Variants in MSH3 observed in about 807,000 individuals in gnomAD.
The protein encoded by MSH3 is mutS homolog 3, also known as DNA mismatch repair protein Msh3.
Under a neutral mutation model 123.3 loss-of-function variants are expected in MSH3, and 106 were observed. The observed-to-expected ratio is 0.86, with a 90% CI of 0.73 to 1.01. The LOEUF is 1.01. MSH3 is among the 50% of genes least tolerant of loss of function. The pLI is 0.00. For missense variants in MSH3, 1,459 were observed against 1,347.6 expected (o/e 1.08, Z -1.29); for synonymous variants, 515 against 481.4 (o/e 1.07, Z -0.91).
At chr5:80,692,132 A>G (rs1225960584) in intron 8 of MSH3, among the ~76,000 whole-genome samples, 1 of 147,760 alleles carries the variant, frequency 6.8e-6, no homozygotes, top group Admixed American at 6.7e-5. Flanking sequence ...ATAGATAGAT[A>G]AACATGTATA....
At chr5:80,817,911 A>C (rs1411849641) in intron 20 of MSH3, among the ~76,000 whole-genome samples, 1 of 152,184 alleles carries the variant, frequency 6.6e-6, no homozygotes, top group African/African-American at 2.4e-5. Context: ...TTCTGGCCAA[A>C]AAAAATCAAA....
intron 2 of MSH3, among the ~76,000 whole-genome samples, chr5:80,661,663 T>C (rs897808732): frequency 1.3e-5 from 2 of 152,250 alleles, no homozygotes; most frequent in Non-Finnish European, 2.9e-5. Flanking sequence ...AATTGCATCA[T>C]ATCTGTCATT....
chr5:80,669,271 C>G (rs887564471), intron 3 of MSH3, among the ~76,000 whole-genome samples: 1 of 152,050 alleles, frequency 6.6e-6, no homozygotes. Flanking sequence ...CTCTCACTCT[C>G]CCCTCTTCTT....
At chr5:80,747,957 G>A (rs1032021822) in intron 12 of MSH3, among the ~76,000 whole-genome samples, 17 of 152,136 alleles carry the variant, frequency 1.1e-4, no homozygotes, top group East Asian at 1.9e-4. Flanking sequence ...ATTAAGTGAG[G>A]CATGATGGTG....
At chr5:80,688,239 C>T (rs1465033426) in intron 8 of MSH3, among the ~76,000 whole-genome samples, 1 of 152,166 alleles carries the variant, frequency 6.6e-6, no homozygotes. Context: ...AGTGCTTCCT[C>T]AAAGATAGAT....
intron 20 of MSH3, among the ~76,000 whole-genome samples, chr5:80,826,842 C>G (rs1348354249): frequency 4.0e-5 from 3 of 74,184 alleles, no homozygotes; most frequent in South Asian, 6.0e-4. Flanking sequence ...AGCCACCGCG[C>G]CCGGCCTCCA....
At chr5:80,839,751 A>C (rs1293454922) in intron 20 of MSH3, among the ~76,000 whole-genome samples, 1 of 152,204 alleles carries the variant, frequency 6.6e-6, no homozygotes, top group African/African-American at 2.4e-5. Context: ...TTAATATAAA[A>C]AGTGACACAA....
intron 17 of MSH3, 65 bp downstream of exon 17, chr5:80,778,901 T>C (rs1399914650): frequency 2.2e-5 from 21 of 949,452 alleles, no homozygotes; most frequent in South Asian, 9.1e-5. Flanking sequence ...GAAAAATCTT[T>C]CCATCAAAAA....
intron 8 of MSH3, among the ~76,000 whole-genome samples, chr5:80,689,578 T>G (rs922848617): frequency 3.3e-5 from 5 of 152,088 alleles, no homozygotes; most frequent in Non-Finnish European, 7.4e-5. Context: ...CCAAGCAAAA[T>G]TTGAGATTAA....
At chr5:80,814,880 C>G (rs1745074696) in intron 20 of MSH3, among the ~76,000 whole-genome samples, 1 of 152,206 alleles carries the variant, frequency 6.6e-6, no homozygotes, top group Admixed American at 6.5e-5. Context: ...GTGAAATATC[C>G]TGGCTTCACT....
chr5:80,783,269 G>C (rs920535078), intron 17 of MSH3, among the ~76,000 whole-genome samples: 1 of 152,062 alleles, frequency 6.6e-6, no homozygotes, highest in Non-Finnish European at 1.5e-5. Context: ...AAGTTGGTTG[G>C]TAGCATAGTG....
At chr5:80,691,360 T>C (rs899348383) in intron 8 of MSH3, among the ~76,000 whole-genome samples, 2 of 151,790 alleles carry the variant, frequency 1.3e-5, no homozygotes, top group Non-Finnish European at 2.9e-5. Context: ...CACAATAATA[T>C]TATCTAAGAC....
intron 8 of MSH3, among the ~76,000 whole-genome samples, chr5:80,708,365 T>A (rs370128357): frequency 1.2e-4 from 19 of 152,304 alleles, no homozygotes; most frequent in African/African-American, 4.6e-4. Flanking sequence ...GTTTACCAGT[T>A]GTTTCCACAC....
chr5:80,867,276 A>G (rs1414822507), intron 22 of MSH3, among the ~76,000 whole-genome samples: 1 of 152,186 alleles, frequency 6.6e-6, no homozygotes, highest in Non-Finnish European at 1.5e-5. Flanking sequence ...CTGCCTGGCC[A>G]GCTTTATTAT....
At chr5:80,681,704 ACATT>A (rs908467219) in intron 8 of MSH3, among the ~76,000 whole-genome samples, 36 of 151,996 alleles carry the variant, frequency 2.4e-4, no homozygotes, top group African/African-American at 8.4e-4. Context: ...TTTTATCAAC[ACATT>A]CATTTTTTTG....
At chr5:80,694,560 C>A (rs1750426768) in intron 8 of MSH3, among the ~76,000 whole-genome samples, 1 of 152,074 alleles carries the variant, frequency 6.6e-6, no homozygotes, top group African/African-American at 2.4e-5. Flanking sequence ...CTATTGCTTA[C>A]CTTGCTGTTT....
chr5:80,676,284 G>C (rs755269349), intron 7 of MSH3, among the ~76,000 whole-genome samples: 3 of 152,160 alleles, frequency 2.0e-5, no homozygotes, highest in Non-Finnish European at 4.4e-5. Flanking sequence ...GCCCACCTCG[G>C]CCTCCCAAAA....
intron 19 of MSH3, among the ~76,000 whole-genome samples, chr5:80,795,387 G>T (rs1003314327): frequency 6.6e-6 from 1 of 152,152 alleles, no homozygotes; most frequent in African/African-American, 2.4e-5. Flanking sequence ...AGTTCTAGAG[G>T]CTGGAAAGTC....
intron 8 of MSH3, among the ~76,000 whole-genome samples, chr5:80,710,158 C>T (rs144136468): frequency 6.6e-6 from 1 of 152,196 alleles, no homozygotes; most frequent in Non-Finnish European, 1.5e-5. Flanking sequence ...CTCATAAACA[C>T]CCTTGTGAGG....
Sources: allele counts gnomAD v4.1 joint callset (sites outside exome capture counted in the v4.1 genomes callset), GRCh38; gene constraint gnomAD v4.1.1; transcripts MANE v1.5; gene names NCBI Gene and HGNC (gene_info 2026-07-23, HGNC 2026-07-21).